ACER1: variants seen among roughly 807,000 people sequenced by gnomAD.
The protein encoded by ACER1 is CTB-180A7.3.
Under a neutral mutation model 24.9 loss-of-function variants are expected in ACER1, and 28 were observed. That is an observed-to-expected ratio of 1.13 (90% CI 0.83 to 1.54). The LOEUF (loss-of-function observed/expected upper bound fraction) is 1.54, where lower values mean the gene tolerates loss of function less well. Ranked by LOEUF, ACER1 falls within the 40% of genes most tolerant of loss-of-function variation. ACER1 has a pLI of 0.00. For synonymous variants in ACER1, 132 were observed against 131.4 expected (o/e 1.00, Z -0.03); for missense variants, 352 against 349.3 (o/e 1.01, Z -0.06).
the ACER1 span, among the ~76,000 whole-genome samples, chr19:6,342,203 T>C: frequency 1.3e-5 from 2 of 151,932 alleles, no homozygotes; most frequent in East Asian, 1.9e-4. Context: ...TGTGTCCATA[T>C]TTATTTTCTG....
At chr19:6,310,197 C>T (rs1211656174) in intron 3 of ACER1, among the ~76,000 whole-genome samples, 1 of 152,066 alleles carries the variant, frequency 6.6e-6, no homozygotes, top group Non-Finnish European at 1.5e-5. Flanking sequence ...ACGCCATTCT[C>T]CTGCCTCAGC....
At chr19:6,347,109 A>AAAAAAATATATATATATATATATATAT in the ACER1 span, among the ~76,000 whole-genome samples, 5 of 113,772 alleles carry the variant, frequency 4.4e-5, no homozygotes, top group African/African-American at 2.5e-4. Context: ...AAAAAAAAAA[A>AAAAAAATATATATATATATATATATAT]ATATATATAT....
chr19:6,309,740 T>A lies in ACER1; in HGVS notation c.445A>T (p.Ile149Phe). 6.2e-7 allele frequency: 1 copy of A among 1,613,906 alleles called. No homozygotes were observed. The highest frequency in any genetic ancestry group is 2.2e-5 in the East Asian group (1 of 44,894). Residue 149 changes from isoleucine (I) to phenylalanine (F), a missense_variant, in exon 4 of 6, where the codon ATT (isoleucine) becomes TTT (phenylalanine). By Grantham distance (21) the Ile-to-Phe change is conservative. Transcript: ENST00000301452. Reference protein sequence around the residue: ...PTVNAYALNSIALHILYIVCQ... With the variant: ...PTVNAYALNSFALHILYIVCQ... ...ACGATGTAGAGAATGTGCAGGGCAA[T>A]GCTGTTGAGGGCGTAGGCGTTGACC...
chr19:6,349,921 A>C, the ACER1 span, among the ~76,000 whole-genome samples: 1 of 152,148 alleles, frequency 6.6e-6, no homozygotes, highest in East Asian at 1.9e-4. Flanking sequence ...ACTTGACCCC[A>C]GGAGTTCAAG....
At chr19:6,331,519 C>T (rs545893440) in intron 1 of ACER1, among the ~76,000 whole-genome samples, 1 of 151,276 alleles carries the variant, frequency 6.6e-6, no homozygotes. Context: ...CGAGGCCGGG[C>T]GCCGTGGCTC....
At chr19:6,324,106 G>A (rs1320588043) in intron 1 of ACER1, among the ~76,000 whole-genome samples, 4 of 152,006 alleles carry the variant, frequency 2.6e-5, no homozygotes, top group African/African-American at 7.2e-5. Context: ...GTGCAGTGGT[G>A]TGATCTCAGC....
chr19:6,326,422 G>A (rs945248193), intron 1 of ACER1, among the ~76,000 whole-genome samples: 4 of 151,724 alleles, frequency 2.6e-5, no homozygotes, highest in Non-Finnish European at 4.4e-5. Flanking sequence ...CACTGCGCCC[G>A]GCCTATTTTT....
At chr19:6,347,416 C>T in the ACER1 span, among the ~76,000 whole-genome samples, 5 of 151,762 alleles carry the variant, frequency 3.3e-5, no homozygotes, top group Admixed American at 2.0e-4. Flanking sequence ...GATGAGGTTT[C>T]GCCATGTTAC....
At chr19:6,345,399 T>C in the ACER1 span, among the ~76,000 whole-genome samples, 3 of 152,128 alleles carry the variant, frequency 2.0e-5, no homozygotes, top group Non-Finnish European at 4.4e-5. Flanking sequence ...GCACATTACA[T>C]TTATTGTTCA....
chr19:6,324,866 A>AG (rs368180872), intron 1 of ACER1, among the ~76,000 whole-genome samples: 8,293 of 122,790 alleles, frequency 0.068, 546 homozygotes, highest in African/African-American at 0.2. Flanking sequence ...AGAGAAAGGA[A>AG]GGAAGGAAGG....
the ACER1 span, among the ~76,000 whole-genome samples, chr19:6,352,863 G>T: frequency 7.2e-4 from 110 of 152,184 alleles, no homozygotes; most frequent in African/African-American, 2.5e-3. Flanking sequence ...CATTTCAATA[G>T]GCCCATTTGC....
chr19:6,334,512 T>C (rs9304935), upstream of ACER1, among the ~76,000 whole-genome samples: 4 of 151,782 alleles, frequency 2.6e-5, no homozygotes, highest in Non-Finnish European at 4.4e-5. Flanking sequence ...GCCCAGCTAA[T>C]TTTTTTTGTA....
At chr19:6,353,709 C>T in the ACER1 span, among the ~76,000 whole-genome samples, 227 of 151,918 alleles carry the variant, frequency 1.5e-3, no homozygotes, top group African/African-American at 5.1e-3. Context: ...CATGTAATCC[C>T]AGCTACTTGG....
chr19:6,358,128 C>G, the ACER1 span, among the ~76,000 whole-genome samples: 1 of 152,140 alleles, frequency 6.6e-6, no homozygotes, highest in Non-Finnish European at 1.5e-5. Context: ...GGCAACCGGC[C>G]GGGCAGGGCC....
chr19:6,322,900 C>G (rs532345994), intron 1 of ACER1, among the ~76,000 whole-genome samples: 2 of 151,632 alleles, frequency 1.3e-5, no homozygotes, highest in Admixed American at 6.6e-5. Context: ...CACCTGAGGT[C>G]GGGAGTTCAA....
rs1290376009 is a variant in ACER1, at chr19:6,312,398, G to A, written c.195C>T (p.Leu65=). The A allele has an allele frequency of 1.2e-6, 2 of 1,613,930 alleles. No homozygotes were observed. The highest frequency in any genetic ancestry group is 3.3e-5 in the Admixed American group (2 of 59,980). The part of the protein sequence containing the change: ...RSRYIYVVWV[L]FMIIGLFSMY... The stretch of plus-strand genomic sequence containing the variant: ...ACACCTCCCTACCTATGATCATGAA[G>A]AGGACCCAGACAACGTAAATGTAGC... Residue 65 remains leucine (L), a synonymous_variant, in exon 2 of 6, where the codon CTC becomes CTT. Transcript: ENST00000301452.
At chr19:6,359,070 A>G in the ACER1 span, among the ~76,000 whole-genome samples, 4 of 152,012 alleles carry the variant, frequency 2.6e-5, no homozygotes, top group Admixed American at 2.0e-4. Context: ...TGTCTCTACA[A>G]AAAATTTTAA....
At chr19:6,351,376 A>AAT in the ACER1 span, among the ~76,000 whole-genome samples, 6 of 151,390 alleles carry the variant, frequency 4.0e-5, no homozygotes, top group African/African-American at 1.5e-4. Flanking sequence ...CAAAAAATAA[A>AAT]AATAATAATA....
At chr19:6,326,416 G>A (rs907951714) in intron 1 of ACER1, among the ~76,000 whole-genome samples, 6 of 151,784 alleles carry the variant, frequency 4.0e-5, no homozygotes, top group African/African-American at 1.5e-4. Context: ...GTGAGCCACT[G>A]CGCCCGGCCT....
Sources: allele counts gnomAD v4.1 joint callset (sites outside exome capture counted in the v4.1 genomes callset), GRCh38; gene constraint gnomAD v4.1.1; transcripts MANE v1.5; gene names NCBI Gene and HGNC (gene_info 2026-07-23, HGNC 2026-07-21).